XKR7: variants seen among roughly 807,000 people sequenced by gnomAD.
XKR7 encodes the protein XK related 7, also known as XK-related protein 7.
Under a neutral mutation model 42.2 loss-of-function variants are expected in XKR7, and 11 were observed. The observed-to-expected ratio is 0.26, with a 90% CI of 0.16 to 0.43. The LOEUF (loss-of-function observed/expected upper bound fraction) is 0.43, where lower values mean the gene tolerates loss of function less well. Ranked by LOEUF, XKR7 falls within the 20% of genes least tolerant of loss-of-function variation. XKR7 has a pLI of 1.00. For missense variants in XKR7, 710 were observed against 802.2 expected, an observed-to-expected ratio of 0.89 and a Z score of 1.39; for synonymous variants, 346 against 366.4, an observed-to-expected ratio of 0.94 and a Z score of 0.64.
chr20:31,979,007 C>T (rs914826377), intron 1 of XKR7, among the ~76,000 whole-genome samples: 46 of 151,830 alleles, frequency 3.0e-4, no homozygotes, highest in African/African-American at 7.7e-4. Flanking sequence ...TGGTGGCACA[C>T]GCCTGTAGTC....
rs772314765 is a variant in XKR7 at position 31,996,591 on chromosome 20, C to T, written c.874C>T (p.Arg292Trp). 4.5e-6 allele frequency: 7 copies of T among 1,547,250 alleles called. No individual in the cohort carries two copies. The highest frequency in any genetic ancestry group is 2.0e-5 in the Admixed American group (1 of 49,572). ...KVLRDSRDDK[R>W]PLSYKGAVAQ... ...GCTGCGGGACTCGCGGGACGACAAGCGGCCGCTGTCCTACAAGGGCGCCGT... is the reference window on the plus strand; with the variant it reads ...GCTGCGGGACTCGCGGGACGACAAGTGGCCGCTGTCCTACAAGGGCGCCGT... The change falls in exon 3 of 3, where the codon CGG becomes TGG. Residue 292 changes from arginine (R) to tryptophan (W), a missense_variant. Coordinates refer to ENST00000562532, the MANE Select transcript of XKR7 (RefSeq NM_001011718.2).
At chr20:31,978,136 C>T (rs572832565) in intron 1 of XKR7, among the ~76,000 whole-genome samples, 31 of 151,984 alleles carry the variant, frequency 2.0e-4, no homozygotes, top group South Asian at 8.3e-4. Flanking sequence ...GAGATGGTCA[C>T]GCTCTGTTGC....
chr20:31,980,091 G>A (rs139469547), intron 1 of XKR7, among the ~76,000 whole-genome samples: 1,862 of 146,440 alleles, frequency 0.013, 27 homozygotes, highest in South Asian at 0.043. Flanking sequence ...CTCAGTTAGG[G>A]CCTAAAATTA....
intron 1 of XKR7, among the ~76,000 whole-genome samples, chr20:31,992,153 C>CA (rs1297550312): frequency 2.6e-5 from 4 of 151,176 alleles, no homozygotes; most frequent in African/African-American, 9.8e-5. Context: ...CAAAAACAAA[C>CA]AAAAAAACTG....
chr20:31,993,284 AGCTTCTGG>A (rs1157220972), intron 1 of XKR7, among the ~76,000 whole-genome samples: 1 of 152,110 alleles, frequency 6.6e-6, no homozygotes, highest in Non-Finnish European at 1.5e-5. Context: ...GCAGGAGTAG[AGCTTCTGG>A]GCAAGGAACC....
chr20:31,968,234 C>T lies in XKR7; in HGVS notation c.59C>T (p.Ala20Val). The part of the protein sequence containing the change: ...ASASPDPEGA[A>V]GGARGSAGGR... The stretch of plus-strand genomic sequence containing the variant: ...GCCAGCCCGGACCCGGAGGGGGCTG[C>T]CGGTGGAGCCCGGGGCAGTGCCGGC... The change falls in exon 1 of 3, where the codon GCC (alanine) becomes GTC (valine). Residue 20 changes from alanine to valine, a missense_variant. By Grantham distance (64) the Ala-to-Val change is moderately conservative. Coordinates refer to ENST00000562532, the MANE Select transcript of XKR7 (RefSeq NM_001011718.2). This position sits in a 1 kb window ranked among gnomAD's most constrained non-coding sequence, Gnocchi z 4.5. The T allele has an allele frequency of 8.7e-7, 1 of 1,145,904 alleles. No individual in the cohort carries two copies. The highest frequency in any genetic ancestry group is 1.1e-6 in the Non-Finnish European group (1 of 932,944). The allele number at this position is 1,145,904 out of a possible 1,614,324, so 71.0% of individuals were successfully genotyped here. A position where few individuals can be genotyped will look rare whatever the true frequency, so the allele number is the denominator to read the frequency against.
chr20:31,996,210 G>A (rs2064590483), intron 2 of XKR7, among the ~76,000 whole-genome samples: 1 of 149,958 alleles, frequency 6.7e-6, no homozygotes, highest in Non-Finnish European at 1.5e-5. Flanking sequence ...CAAGACCCCT[G>A]AATCCTAACA....
At chr20:31,981,976 C>T (rs1286073310) in intron 1 of XKR7, among the ~76,000 whole-genome samples, 3 of 152,200 alleles carry the variant, frequency 2.0e-5, no homozygotes, top group Non-Finnish European at 4.4e-5. Flanking sequence ...TCCCTGACTG[C>T]CACACCCTTC....
chr20:31,997,460 TAC>T lies in XKR7; in HGVS notation c.*5_*6del. On this transcript the variant is annotated 3_prime_UTR_variant, in exon 3 of 3. Transcript: ENST00000562532. ...TGGAGTATGAGACCACAGTGTAGGCTACAGTGTCCCAGCACAAAAGGGACAGG... is the reference window on the plus strand; with the variant it reads ...TGGAGTATGAGACCACAGTGTAGGCTAGTGTCCCAGCACAAAAGGGACAGG... 3.2e-6 allele frequency: 5 copies of T among 1,586,708 alleles called. No homozygotes were observed. Among genetic ancestry groups the T allele is most frequent in the Non-Finnish European group, 4.3e-6 (5 of 1,172,314 alleles).
chr20:31,990,490 A>T (rs1188807909), intron 1 of XKR7, among the ~76,000 whole-genome samples: 2 of 152,202 alleles, frequency 1.3e-5, no homozygotes, highest in Non-Finnish European at 2.9e-5. Context: ...CCCAGTGGCT[A>T]TGTGTAAGCA....
rs768276713 is a variant in XKR7 at position 31,996,903 on chromosome 20, G to T, written c.1186G>T (p.Ala396Ser). 3 of 1,613,774 alleles carry T rather than the reference G, an allele frequency of 1.9e-6. No homozygotes were observed. The African/African-American group carries it at 4.0e-5, about 22-fold the overall frequency. The change falls in exon 3 of 3, where the codon GCC becomes TCC. Residue 396 changes from alanine to serine, a missense_variant. Ala to Ser is a moderately conservative substitution (Grantham distance 99, BLOSUM62 1). This residue lies in a region of XKR7 where 708 missense variants were observed against 786.2 expected (regional missense o/e 0.90). Coordinates refer to ENST00000562532, the MANE Select transcript of XKR7 (RefSeq NM_001011718.2). ...CCACTGCATCGTCCTGCTGGAGAAC[G>T]CCGCGCTCACCGGCTTCTGGTACTC... ...LYHCIVLLEN[A>S]ALTGFWYSSR...
chr20:31,984,603 A>G (rs1271349113), intron 1 of XKR7, among the ~76,000 whole-genome samples: 1 of 152,198 alleles, frequency 6.6e-6, no homozygotes, highest in Non-Finnish European at 1.5e-5. Flanking sequence ...CTTTCCTGGA[A>G]TCACCTTGGT....
rs2064614043 is a variant in XKR7, at chr20:31,999,481, A to T, written c.*2024A>T. On this transcript the variant is annotated 3_prime_UTR_variant, in exon 3 of 3. Transcript: ENST00000562532. ...CTTTTCCTTCTTTCTGCTGCTAAGC[A>T]CCCTCAGGAACGAGGCCTCGAGGGT... 1 of 152,050 alleles carries T rather than the reference A, an allele frequency of 6.6e-6. No individual in the cohort carries two copies. The highest frequency in any genetic ancestry group is 2.4e-5 in the African/African-American group (1 of 41,374). The allele number at this position is 152,050 out of a possible 1,614,324, so 9.4% of individuals were successfully genotyped here. A position where few individuals can be genotyped will look rare whatever the true frequency, so the allele number is the denominator to read the frequency against.
chr20:31,973,458 A>C (rs565440636), intron 1 of XKR7, among the ~76,000 whole-genome samples: 31 of 152,284 alleles, frequency 2.0e-4, no homozygotes, highest in African/African-American at 7.5e-4. Flanking sequence ...ATTATATGGG[A>C]TATATAATAC....
At chr20:31,979,499 T>C (rs2064501395) in intron 1 of XKR7, among the ~76,000 whole-genome samples, 2 of 152,192 alleles carry the variant, frequency 1.3e-5, no homozygotes, top group South Asian at 4.1e-4. Context: ...CTTGAAAAAT[T>C]GAAACTCCAG....
chr20:31,977,990 C>T (rs909863597), intron 1 of XKR7, among the ~76,000 whole-genome samples: 7 of 152,296 alleles, frequency 4.6e-5, no homozygotes, highest in South Asian at 2.1e-4. Flanking sequence ...TTATGATACT[C>T]GCTTCCATGA....
chr20:31,990,125 C>G (rs1400879392), intron 1 of XKR7, among the ~76,000 whole-genome samples: 1 of 151,906 alleles, frequency 6.6e-6, no homozygotes, highest in Non-Finnish European at 1.5e-5. Flanking sequence ...CCAGTGTATG[C>G]TACTCCCTCT....
chr20:31,997,945 T>G lies in XKR7; in HGVS notation c.*488T>G. On this transcript the variant is annotated 3_prime_UTR_variant, in exon 3 of 3. Coordinates refer to ENST00000562532, the MANE Select transcript of XKR7 (RefSeq NM_001011718.2). ...GATGGGGTGAGGTTGGAGCATTGTG[T>G]GGACAGGGATGGCGTGGCTCCTGTA... 1 of 146,090 alleles carries G rather than the reference T, an allele frequency of 6.8e-6. No individual in the cohort carries two copies. The highest frequency in any genetic ancestry group is 1.4e-5 in the Non-Finnish European group (1 of 69,688). 9.0% of individuals were successfully genotyped at this position (146,090 alleles called of 1,614,324 possible).
intron 1 of XKR7, among the ~76,000 whole-genome samples, chr20:31,977,294 C>T (rs1195016980): frequency 2.6e-5 from 4 of 152,188 alleles, no homozygotes; most frequent in African/African-American, 9.7e-5. Context: ...CAAGTCACTT[C>T]GCACCTAGGG....
Sources: allele counts gnomAD v4.1 joint callset (sites outside exome capture counted in the v4.1 genomes callset), GRCh38; gene constraint gnomAD v4.1.1; regional missense constraint gnomAD v4.1.1; non-coding constraint Gnocchi (gnomAD v3.1); transcripts MANE v1.5; gene names NCBI Gene and HGNC (gene_info 2026-07-23, HGNC 2026-07-21).